PALMD: variants seen among roughly 807,000 people sequenced by gnomAD.
PALMD encodes palmdelphin.
In PALMD, 42 loss-of-function variants were observed where a neutral mutation model predicts 56.2. The ratio of observed to expected loss-of-function variants is 0.75; its 90% confidence interval spans 0.58 to 0.97. The LOEUF (loss-of-function observed/expected upper bound fraction) is 0.97, where lower values mean the gene tolerates loss of function less well. PALMD is among the 50% of genes least tolerant of loss of function. The pLI is 0.00. For synonymous variants in PALMD, 242 were observed against 222.9 expected (o/e 1.09, Z -0.76); for missense variants, 660 against 643.8 (o/e 1.03, Z -0.27).
At chr1:99,649,336 A>T (rs1474065449) in intron 1 of PALMD, among the ~76,000 whole-genome samples, 5 of 152,214 alleles carry the variant, frequency 3.3e-5, no homozygotes, top group Non-Finnish European at 5.9e-5. Context: ...GTCAGTACAC[A>T]CTTGAACAAA....
chr1:99,666,966 C>T (rs922182667), intron 2 of PALMD, among the ~76,000 whole-genome samples: 2 of 152,166 alleles, frequency 1.3e-5, no homozygotes, highest in African/African-American at 4.8e-5. Context: ...AACTCACCAA[C>T]ATTTAGACAG....
intron 2 of PALMD, among the ~76,000 whole-genome samples, chr1:99,663,347 C>T (rs1258734495): frequency 6.6e-6 from 1 of 152,066 alleles, no homozygotes; most frequent in East Asian, 1.9e-4. Flanking sequence ...TAGTCTGCTC[C>T]CCTTCCAATA....
rs183059919 is a variant in PALMD, at chr1:99,658,639, C to T, written c.46-3680C>T. 2.7e-3 allele frequency among the ~76,000 whole-genome samples: 404 copies of T among 152,024 alleles called. 2 individuals carry two copies. Among genetic ancestry groups the T allele is most frequent in the African/African-American group, 8.8e-3 (366 of 41,480 alleles). On this transcript the variant is annotated intron_variant, in intron 1 of 7. Coordinates refer to ENST00000263174, the MANE Select transcript of PALMD (RefSeq NM_017734.5). ...ACAAAAAATTAACCGCGTGTGGTGGCGGGCGCCTGTAGTCCCAGCTACTTG... is the reference window on the plus strand; with the variant it reads ...ACAAAAAATTAACCGCGTGTGGTGGTGGGCGCCTGTAGTCCCAGCTACTTG...
chr1:99,661,281 AC>A (rs1409224007), intron 1 of PALMD, among the ~76,000 whole-genome samples: 2 of 152,316 alleles, frequency 1.3e-5, no homozygotes, highest in South Asian at 2.1e-4. Flanking sequence ...GGAAATAAAG[AC>A]CTTTTTGCAT....
At position 99,689,653 on chromosome 1, in the gene PALMD, C is replaced by T. The variant is rs1320601669; in HGVS notation, c.1393C>T (p.Pro465Ser). The T allele has an allele frequency of 6.2e-7, 1 of 1,613,544 alleles. No homozygotes were observed. Among genetic ancestry groups the T allele is most frequent in the Non-Finnish European group, 8.5e-7 (1 of 1,179,826 alleles). Reference sequence around the variant, plus strand: ...AGAAGCAGAGAAACCGTCCTACCACCCCATAGCTCCCCATAGTCAGGTGTA... The same window carrying T: ...AGAAGCAGAGAAACCGTCCTACCACTCCATAGCTCCCCATAGTCAGGTGTA... ...EGEAEKPSYHPIAPHSQVYQP... is the reference protein window; with the variant it reads ...EGEAEKPSYHSIAPHSQVYQP... Residue 465 changes from proline (P) to serine (S), a missense_variant, in exon 7 of 8, where the codon CCC (proline) becomes TCC (serine). Physicochemically the swap from Pro to Ser is moderately conservative, Grantham distance 74. Transcript: ENST00000263174.
At chr1:99,667,248 T>A (rs1652986539) in intron 2 of PALMD, among the ~76,000 whole-genome samples, 1 of 152,146 alleles carries the variant, frequency 6.6e-6, no homozygotes. Context: ...ACAAGATATA[T>A]ACCCATCAAT....
intron 1 of PALMD, among the ~76,000 whole-genome samples, chr1:99,655,941 C>T (rs1158227906): frequency 3.1e-5 from 1 of 31,948 alleles, no homozygotes; most frequent in Non-Finnish European, 7.8e-5. Flanking sequence ...CACGCACACA[C>T]ACACACATGC....
intron 6 of PALMD, among the ~76,000 whole-genome samples, chr1:99,687,487 T>C (rs1653529927): frequency 6.6e-6 from 1 of 152,158 alleles, no homozygotes; most frequent in African/African-American, 2.4e-5. Flanking sequence ...TCTCCTGACA[T>C]ATTCCATCCA....
At chr1:99,678,731 G>A in intron 3 of PALMD, among the ~76,000 whole-genome samples, 1 of 152,120 alleles carries the variant, frequency 6.6e-6, no homozygotes, top group East Asian at 1.9e-4. Flanking sequence ...AAAGGGAAGA[G>A]AATCTCTAGG....
At chr1:99,647,250 C>T (rs759997870) in intron 1 of PALMD, among the ~76,000 whole-genome samples, 23 of 152,152 alleles carry the variant, frequency 1.5e-4, no homozygotes, top group Non-Finnish European at 3.1e-4. Flanking sequence ...CCCAATTTCT[C>T]AGCATTTTCT....
At chr1:99,654,131 CCACTCGATCAAT>C (rs1306976111) in intron 1 of PALMD, among the ~76,000 whole-genome samples, 36 of 152,084 alleles carry the variant, frequency 2.4e-4, no homozygotes, top group Non-Finnish European at 1.5e-5. Context: ...ACAAGTTCCA[CCACTCGATCAAT>C]CACGTGACTT....
intron 1 of PALMD, among the ~76,000 whole-genome samples, chr1:99,656,865 G>A (rs1353873953): frequency 6.6e-6 from 1 of 152,140 alleles, no homozygotes; most frequent in African/African-American, 2.4e-5. Flanking sequence ...TTGGACCGTA[G>A]GATCACTAGA....
At chr1:99,664,911 G>T (rs1652926555) in intron 2 of PALMD, among the ~76,000 whole-genome samples, 1 of 152,114 alleles carries the variant, frequency 6.6e-6, no homozygotes, top group South Asian at 2.1e-4. Context: ...CAAAATAGTT[G>T]TAGTAACTCC....
At chr1:99,673,147 CA>C (rs1653122875) in intron 3 of PALMD, among the ~76,000 whole-genome samples, 1 of 152,010 alleles carries the variant, frequency 6.6e-6, no homozygotes, top group Non-Finnish European at 1.5e-5. Context: ...ATAATTTACT[CA>C]ATTAACTAAA....
At chr1:99,684,582 GTA>G (rs1467049731) in intron 3 of PALMD, 1 of 152,276 alleles carries the variant, frequency 6.6e-6, no homozygotes, top group Non-Finnish European at 1.5e-5. Flanking sequence ...GAGTGCAATG[GTA>G]TGATCATGGC....
Position 99,667,739 on chromosome 1 carries a change from T to C in PALMD, c.224T>C (p.Ile75Thr), listed in dbSNP as rs1652998512. The change falls in exon 3 of 8, where the codon ATC becomes ACC. Residue 75 changes from isoleucine (I) to threonine (T), a missense_variant. Ile to Thr is a moderately conservative substitution (Grantham distance 89). Coordinates refer to ENST00000263174, the MANE Select transcript of PALMD (RefSeq NM_017734.5). ...KKQNQQDQHQ[I>T]QVLEQSILRL... ...CAAAATCAACAAGACCAGCACCAGA[T>C]CCAGGTTCTAGAACAAAGTATCCTC... is the stretch of plus-strand genomic sequence containing the variant. 1 of 1,613,598 alleles carries C rather than the reference T, an allele frequency of 6.2e-7. No homozygotes were observed. The highest frequency in any genetic ancestry group is 8.5e-7 in the Non-Finnish European group (1 of 1,179,652).
chr1:99,687,323 G>C (rs926782313), intron 6 of PALMD, 134 bp downstream of exon 6: 1 of 907,976 alleles, frequency 1.1e-6, no homozygotes. Context: ...TGTGAGTTAT[G>C]TGAGTCACCG....
intron 3 of PALMD, among the ~76,000 whole-genome samples, chr1:99,672,128 G>A (rs1423435805): frequency 6.6e-6 from 1 of 152,090 alleles, no homozygotes; most frequent in Non-Finnish European, 1.5e-5. Context: ...TTTAAGTAAA[G>A]CATATCTGCT....
At chr1:99,676,055 C>G (rs764235773) in intron 3 of PALMD, among the ~76,000 whole-genome samples, 12 of 152,150 alleles carry the variant, frequency 7.9e-5, no homozygotes, top group Non-Finnish European at 4.4e-5. Context: ...TGTTCCCTTG[C>G]CTCTCTGCTT....
Sources: allele counts gnomAD v4.1 joint callset (sites outside exome capture counted in the v4.1 genomes callset), GRCh38; gene constraint gnomAD v4.1.1; transcripts MANE v1.5; gene names NCBI Gene and HGNC (gene_info 2026-07-23, HGNC 2026-07-21).